Variants in FAT3 observed in about 807,000 individuals in gnomAD.
FAT3 encodes the protein FAT atypical cadherin 3, also known as protocadherin Fat 3.
In FAT3, 95 loss-of-function variants were observed where a neutral mutation model predicts 310.2. The observed-to-expected ratio is 0.31, with a 90% CI of 0.26 to 0.36. The LOEUF (loss-of-function observed/expected upper bound fraction) is 0.36. Among genes scored for constraint, FAT3 ranks in the 10% least tolerant of loss-of-function variants. The pLI is 1.00. For missense variants in FAT3, 5,408 were observed against 5,715.6 expected, an observed-to-expected ratio of 0.95 and a Z score of 1.74; for synonymous variants, 2,314 against 2,192.9, an observed-to-expected ratio of 1.06 and a Z score of -1.54.
chr11:92,763,124 A>G (rs1946204170), intron 5 of FAT3, among the ~76,000 whole-genome samples: 1 of 150,790 alleles, frequency 6.6e-6, no homozygotes, highest in African/African-American at 2.4e-5. Context: ...ACGCCACTGC[A>G]CTCCAGCCCG....
chr11:92,566,789 G>C (rs1459032032), intron 3 of FAT3, among the ~76,000 whole-genome samples: 1 of 152,164 alleles, frequency 6.6e-6, no homozygotes, highest in Non-Finnish European at 1.5e-5. Context: ...CAATGGGAAA[G>C]GATTCCCTAT....
At chr11:92,318,014 CACTCTGAAATTATATGTCTTT>C (rs1947511484) in intron 1 of FAT3, among the ~76,000 whole-genome samples, 1 of 152,152 alleles carries the variant, frequency 6.6e-6, no homozygotes, top group Admixed American at 6.5e-5. Context: ...CATATGTCTT[CACTCTGAAATTATATGTCTTT>C]ACTCTGAAAA....
intron 2 of FAT3, among the ~76,000 whole-genome samples, chr11:92,398,934 G>A (rs1475875648): frequency 6.6e-6 from 1 of 152,142 alleles, no homozygotes; most frequent in Non-Finnish European, 1.5e-5. Flanking sequence ...TCAGAGGATT[G>A]TAGTGAGAAT....
chr11:92,246,079 C>G (rs147173260), intron 1 of FAT3, among the ~76,000 whole-genome samples: 1 of 152,132 alleles, frequency 6.6e-6, no homozygotes, highest in Non-Finnish European at 1.5e-5. Context: ...GACTGACTGT[C>G]GACTGAGCAA....
At chr11:92,559,720 G>T (rs111304835) in intron 3 of FAT3, among the ~76,000 whole-genome samples, 44 of 152,186 alleles carry the variant, frequency 2.9e-4, no homozygotes, top group African/African-American at 9.6e-4. Context: ...GTGGAATCAC[G>T]TAACATATAG....
In FAT3 at chr11:92,857,249, G is replaced by A. The variant is rs1435237876; in HGVS notation, c.11401G>A (p.Glu3801Lys). Residue 3801 changes from glutamate to lysine, a missense_variant, in exon 20 of 28, where the codon GAG (glutamate) becomes AAG (lysine). This residue lies in a region of FAT3 where 4,588 missense variants were observed against 4,809.8 expected (regional missense o/e 0.95). Transcript: ENST00000525166. ...LCPGSNDPCV[E>K]KPCPGDMQCV... is the part of the protein sequence containing the mutation. ...TCCGGGGTCCAACGATCCTTGTGTG[G>A]AGAAGCCGTGTCCAGGGGACATGCA... is the stretch of plus-strand genomic sequence containing the variant. The A allele has an allele frequency of 5.0e-6, 8 of 1,613,868 alleles. No individual in the cohort carries two copies. Among genetic ancestry groups the A allele is most frequent in the Non-Finnish European group, 6.8e-6 (8 of 1,179,896 alleles).
chr11:92,286,245 A>C (rs1946559931), intron 1 of FAT3, among the ~76,000 whole-genome samples: 1 of 152,136 alleles, frequency 6.6e-6, no homozygotes, highest in Non-Finnish European at 1.5e-5. Flanking sequence ...GATTGGAAAA[A>C]TTCAGGGTTC....
intron 4 of FAT3, among the ~76,000 whole-genome samples, chr11:92,741,958 A>G (rs2136028371): frequency 6.6e-6 from 1 of 152,370 alleles, no homozygotes; most frequent in East Asian, 1.9e-4. Flanking sequence ...GAAGTAGGAA[A>G]ACAAAACAGA....
chr11:92,534,223 C>T (rs1167835190), intron 3 of FAT3, among the ~76,000 whole-genome samples: 2 of 151,924 alleles, frequency 1.3e-5, no homozygotes, highest in African/African-American at 2.4e-5. Context: ...CTCACTGTCT[C>T]GAGCCATGCC....
At chr11:92,568,677 C>A (rs1955563953) in intron 3 of FAT3, among the ~76,000 whole-genome samples, 1 of 152,184 alleles carries the variant, frequency 6.6e-6, no homozygotes, top group South Asian at 2.1e-4. Flanking sequence ...TATTCACTCT[C>A]TGCCTCCTGC....
chr11:92,662,791 T>C (rs958614223), intron 3 of FAT3, among the ~76,000 whole-genome samples: 3 of 152,206 alleles, frequency 2.0e-5, no homozygotes, highest in Non-Finnish European at 4.4e-5. Context: ...TCACATCATC[T>C]TGAATTCTTT....
intron 3 of FAT3, among the ~76,000 whole-genome samples, chr11:92,565,095 G>A (rs1190935578): frequency 4.3e-5 from 6 of 139,746 alleles, no homozygotes; most frequent in Non-Finnish European, 4.7e-5. Flanking sequence ...AATGAATCCA[G>A]GAGCTGGTTT....
chr11:92,376,423 G>T (rs944569529), intron 2 of FAT3, among the ~76,000 whole-genome samples: 3 of 152,172 alleles, frequency 2.0e-5, no homozygotes, highest in African/African-American at 7.2e-5. Flanking sequence ...TGTGGGGAAC[G>T]CAAGCAAATG....
intron 6 of FAT3, among the ~76,000 whole-genome samples, chr11:92,771,142 G>A (rs1019151343): frequency 2.6e-5 from 4 of 152,066 alleles, no homozygotes; most frequent in African/African-American, 9.7e-5. Flanking sequence ...CCAGCTCTGC[G>A]GTGTCCTCCC....
intron 2 of FAT3, among the ~76,000 whole-genome samples, chr11:92,360,962 A>G (rs1948865777): frequency 6.6e-6 from 1 of 152,240 alleles, no homozygotes; most frequent in Non-Finnish European, 1.5e-5. Flanking sequence ...GCATGCCATC[A>G]TAACCTTGTT....
At chr11:92,505,882 C>T (rs944030599) in intron 2 of FAT3, among the ~76,000 whole-genome samples, 3 of 152,118 alleles carry the variant, frequency 2.0e-5, no homozygotes, top group African/African-American at 4.8e-5. Context: ...ACTCTGTAGG[C>T]GCTGGACTCC....
intron 2 of FAT3, among the ~76,000 whole-genome samples, chr11:92,440,864 G>T (rs947627412): frequency 2.6e-5 from 4 of 152,194 alleles, no homozygotes; most frequent in Non-Finnish European, 5.9e-5. Context: ...TAGGGTCGTA[G>T]TTCTGGCTAT....
At chr11:92,865,524 G>T (rs1001255209) in intron 21 of FAT3, among the ~76,000 whole-genome samples, 1 of 152,164 alleles carries the variant, frequency 6.6e-6, no homozygotes, top group African/African-American at 2.4e-5. Flanking sequence ...TGACTCAGAC[G>T]CTGGCCTCCA....
At chr11:92,846,113 T>G (rs1948676797) in intron 19 of FAT3, among the ~76,000 whole-genome samples, 1 of 152,186 alleles carries the variant, frequency 6.6e-6, no homozygotes, top group Non-Finnish European at 1.5e-5. Context: ...TTATCTAGAT[T>G]TCCTTTGTTG....
Sources: allele counts gnomAD v4.1 joint callset (sites outside exome capture counted in the v4.1 genomes callset), GRCh38; gene constraint gnomAD v4.1.1; regional missense constraint gnomAD v4.1.1; transcripts MANE v1.5; gene names NCBI Gene and HGNC (gene_info 2026-07-23, HGNC 2026-07-21).